The following TPD52L2 variants were observed in gnomAD, a reference collection of about 807,000 sequenced individuals.
TPD52L2 encodes TPD52 like 2.
A neutral mutation model predicts 24.7 loss-of-function variants in TPD52L2; 19 were observed. The observed-to-expected ratio is 0.77, with a 90% CI of 0.54 to 1.13. The LOEUF is 1.13. Among genes scored for constraint, TPD52L2 ranks in the 50% most tolerant of loss-of-function variants. TPD52L2 has a pLI of 0.00. For missense variants in TPD52L2, 236 were observed against 250.4 expected, an observed-to-expected ratio of 0.94 and a Z score of 0.39; for synonymous variants, 104 against 100.2, an observed-to-expected ratio of 1.04 and a Z score of -0.23.
chr20:63,874,155 G>A (rs536359572), intron 3 of TPD52L2, among the ~76,000 whole-genome samples: 1 of 150,618 alleles, frequency 6.6e-6, no homozygotes, highest in African/African-American at 2.4e-5. Flanking sequence ...GGGTTCAAGC[G>A]ATTCTCCTGC....
chr20:63,878,445 AG>A (rs1419191986), intron 4 of TPD52L2, among the ~76,000 whole-genome samples: 1 of 152,178 alleles, frequency 6.6e-6, no homozygotes, highest in Admixed American at 6.5e-5. Flanking sequence ...GTTCACTTGG[AG>A]TTGTTTTGGT....
At chr20:63,865,554 G>A (rs1486133013) in intron 1 of TPD52L2, among the ~76,000 whole-genome samples, 170 bp downstream of exon 1, 1 of 152,172 alleles carries the variant, frequency 6.6e-6, no homozygotes, top group East Asian at 1.9e-4. Context: ...GATGGTCGTG[G>A]TGTGTTTTTT....
intron 2 of TPD52L2, among the ~76,000 whole-genome samples, chr20:63,870,740 CAG>C (rs1417475216): frequency 1.4e-5 from 2 of 142,782 alleles, no homozygotes; most frequent in Non-Finnish European, 3.1e-5. Flanking sequence ...TTTTTGGAGA[CAG>C]AGTCTCGCCC....
intron 4 of TPD52L2, among the ~76,000 whole-genome samples, chr20:63,881,221 C>T (rs903196670): frequency 1.3e-5 from 2 of 151,944 alleles, no homozygotes; most frequent in East Asian, 1.9e-4. Flanking sequence ...TTTAGCAGGG[C>T]GTGGTGGTGG....
intron 3 of TPD52L2, among the ~76,000 whole-genome samples, chr20:63,875,088 G>A (rs2052616744): frequency 1.3e-5 from 2 of 151,122 alleles, no homozygotes; most frequent in Non-Finnish European, 2.9e-5. Context: ...GTTGCAGTGA[G>A]CCAAAATTAT....
intron 5 of TPD52L2, chr20:63,887,551 T>C: frequency 6.2e-7 from 1 of 1,613,438 alleles, no homozygotes; most frequent in Non-Finnish European, 8.5e-7. Context: ...GCTTCTGCCA[T>C]GCTTCCAAGC....
chr20:63,884,594 G>C (rs2053027859), intron 5 of TPD52L2, among the ~76,000 whole-genome samples: 1 of 152,238 alleles, frequency 6.6e-6, no homozygotes, highest in African/African-American at 2.4e-5. Context: ...CTGGTTCTCT[G>C]TCTGCTCCTC....
chr20:63,887,743 A>C, intron 5 of TPD52L2: 1 of 882,716 alleles, frequency 1.1e-6, no homozygotes, highest in Non-Finnish European at 1.8e-6. Context: ...ACCTCTGATG[A>C]CTAAGGGCCG....
At chr20:63,878,044 G>A (rs575301316) in intron 4 of TPD52L2, among the ~76,000 whole-genome samples, 1 of 152,394 alleles carries the variant, frequency 6.6e-6, no homozygotes, top group South Asian at 2.1e-4. Flanking sequence ...TGAGGATGTG[G>A]CCATGGCGCG....
chr20:63,888,972 G>C (rs761615905), intron 5 of TPD52L2: 7 of 603,996 alleles, frequency 1.2e-5, no homozygotes, highest in Non-Finnish European at 2.1e-5. Context: ...CTTGTGTGAC[G>C]TCTGGACCTG....
At chr20:63,865,594 T>A (rs1398705960) in intron 1 of TPD52L2, among the ~76,000 whole-genome samples, 1 of 152,192 alleles carries the variant, frequency 6.6e-6, no homozygotes, top group Non-Finnish European at 1.5e-5. Flanking sequence ...TCCTGGGCTC[T>A]CTCCAGCCGC....
At chr20:63,875,158 T>A (rs1055652148) in intron 3 of TPD52L2, among the ~76,000 whole-genome samples, 62 of 147,002 alleles carry the variant, frequency 4.2e-4, no homozygotes, top group Non-Finnish European at 7.3e-4. Flanking sequence ...AAAAAATATA[T>A]ATATATATAT....
Position 63,873,690 on chromosome 20 carries a change from T to A in TPD52L2, c.188T>A (p.Leu63Gln), listed in dbSNP as rs2052552000. 1 of 1,610,522 alleles carries A rather than the reference T, an allele frequency of 6.2e-7. No individual in the cohort carries two copies. Among genetic ancestry groups the A allele is most frequent in the Non-Finnish European group, 8.5e-7 (1 of 1,178,778 alleles). ...CAGGTGGAAGAGGAAATTGTCACTCTGCGCCAGGTCCTGGCAGCCAAGGAG... is the reference window on the plus strand; with the variant it reads ...CAGGTGGAAGAGGAAATTGTCACTCAGCGCCAGGTCCTGGCAGCCAAGGAG... ...LTKVEEEIVT[L>Q]RQVLAAKERH... The change falls in exon 3 of 7, where the codon CTG (leucine) becomes CAG (glutamine). Residue 63 changes from leucine (L) to glutamine (Q), a missense_variant. By Grantham distance (113) the Leu-to-Gln change is moderately radical. Coordinates refer to ENST00000346249, the MANE Select transcript of TPD52L2 (RefSeq NM_003288.4).
intron 2 of TPD52L2, 69 bp from the exon 3 acceptor site, chr20:63,873,599 C>A: frequency 6.5e-7 from 1 of 1,538,626 alleles, no homozygotes; most frequent in Non-Finnish European, 8.8e-7. Flanking sequence ...ACTCATGGCA[C>A]TGTGCATGAG....
chr20:63,874,143 C>G (rs890053066), intron 3 of TPD52L2, among the ~76,000 whole-genome samples: 6 of 151,840 alleles, frequency 4.0e-5, no homozygotes, highest in African/African-American at 1.2e-4. Flanking sequence ...CCTCTGCCCC[C>G]CGGGTTCAAG....
chr20:63,889,739 A>G, intron 6 of TPD52L2, 111 bp from the exon 7 acceptor site: 2 of 1,004,568 alleles, frequency 2.0e-6, no homozygotes, highest in South Asian at 1.6e-5. Context: ...CCTGCTGAGC[A>G]GTGTTCGTGT....
intron 2 of TPD52L2, among the ~76,000 whole-genome samples, chr20:63,872,223 G>GT (rs1319127408): frequency 6.6e-6 from 1 of 151,990 alleles, no homozygotes; most frequent in Non-Finnish European, 1.5e-5. Context: ...TCTTAAGGGT[G>GT]TTTTTTTCTG....
At position 63,886,533 on chromosome 20, in the gene TPD52L2, T is replaced by C. The variant is rs1229749105; in HGVS notation, c.477-2657T>C. ...CCCGCCGCCACGCCCGGCTAATTTT[T>C]TGTATTTTTAGTAGAGACGGGGTTT... On this transcript the variant is annotated intron_variant, in intron 5 of 6. Transcript: ENST00000346249. 5.9e-5 allele frequency among the ~76,000 whole-genome samples: 9 copies of C among 152,014 alleles called. No homozygotes were observed. The South Asian group carries it at 1.5e-3, about 25-fold the overall frequency.
intron 1 of TPD52L2, among the ~76,000 whole-genome samples, chr20:63,866,868 C>G (rs1401502258): frequency 6.6e-6 from 1 of 150,744 alleles, no homozygotes; most frequent in East Asian, 1.9e-4. Flanking sequence ...AACTCCTGGG[C>G]TCAAGCGATC....
Sources: gnomAD v4.1 joint callset for allele counts (sites outside exome capture counted in the v4.1 genomes callset) on GRCh38, gnomAD v4.1.1 for gene constraint, MANE v1.5 for transcripts, NCBI Gene and HGNC (gene_info 2026-07-23, HGNC 2026-07-21) for gene names.